PLPPR1: variants seen among roughly 807,000 people sequenced by gnomAD.
The protein encoded by PLPPR1 is phospholipid phosphatase-related protein type 1.
In PLPPR1, 10 loss-of-function variants were observed where a neutral mutation model predicts 33.1. That is an observed-to-expected ratio of 0.30 (90% CI 0.19 to 0.51). The LOEUF is 0.51. PLPPR1 is among the 20% of genes least tolerant of loss of function. PLPPR1 has a pLI of 0.97. For synonymous variants in PLPPR1, 151 were observed against 151.0 expected (o/e 1.00, Z 0.00); for missense variants, 304 against 408.1 (o/e 0.74, Z 2.20).
chr9:101,233,149 G>A (rs753849726), intron 2 of PLPPR1, among the ~76,000 whole-genome samples: 5 of 152,000 alleles, frequency 3.3e-5, no homozygotes, highest in Non-Finnish European at 5.9e-5. Context: ...GAACTGAAAT[G>A]TAACTGCTAC....
At chr9:101,237,646 C>T (rs953671981) in intron 2 of PLPPR1, among the ~76,000 whole-genome samples, 53 of 138,864 alleles carry the variant, frequency 3.8e-4, no homozygotes, top group Non-Finnish European at 4.9e-4. Flanking sequence ...TATATATACA[C>T]ACACACACAC....
intron 2 of PLPPR1, among the ~76,000 whole-genome samples, chr9:101,244,696 T>C (rs550361845): frequency 2.0e-3 from 301 of 152,088 alleles, no homozygotes; most frequent in African/African-American, 6.8e-3. Flanking sequence ...TACAATAAAA[T>C]GCATCTTTGA....
chr9:101,060,937 A>G (rs989863235), intron 1 of PLPPR1, among the ~76,000 whole-genome samples: 1 of 151,842 alleles, frequency 6.6e-6, no homozygotes, highest in Non-Finnish European at 1.5e-5. Context: ...TCATTCTGTA[A>G]TTCATCTTAT....
intron 4 of PLPPR1, among the ~76,000 whole-genome samples, chr9:101,293,527 T>C (rs1828560315): frequency 6.6e-6 from 1 of 152,114 alleles, no homozygotes; most frequent in Non-Finnish European, 1.5e-5. Context: ...ACCACACCTA[T>C]TCCAAAATTG....
chr9:101,309,238 C>T lies in PLPPR1; in HGVS notation c.413C>T (p.Thr138Ile). The T allele has an allele frequency of 6.2e-7, 1 of 1,614,120 alleles. No homozygotes were observed. The highest frequency in any genetic ancestry group is 8.5e-7 in the Non-Finnish European group (1 of 1,180,014). The part of the protein sequence containing the change: ...TGVFAFGLFA[T>I]DIFVNAGQVV... ...GTGTTTGCATTTGGACTTTTTGCTA[C>T]TGACATTTTTGTAAACGCCGGACAA... The change falls in exon 5 of 8, where the codon ACT (threonine) becomes ATT (isoleucine). Residue 138 changes from threonine to isoleucine, a missense_variant. Coordinates refer to ENST00000374874, the MANE Select transcript of PLPPR1 (RefSeq NM_207299.2).
At chr9:101,167,214 T>TACACACAC (rs745548060) in intron 1 of PLPPR1, among the ~76,000 whole-genome samples, 4 of 26,092 alleles carry the variant, frequency 1.5e-4, no homozygotes, top group Non-Finnish European at 3.6e-4. Flanking sequence ...CACACACACA[T>TACACACAC]ACACACACAC....
chr9:101,215,365 C>T (rs1344740803), intron 2 of PLPPR1, among the ~76,000 whole-genome samples: 4 of 151,934 alleles, frequency 2.6e-5, no homozygotes, highest in Non-Finnish European at 4.4e-5. Context: ...CTGCAACCTC[C>T]GCCTCCCGGG....
At chr9:101,147,785 C>T (rs773271347) in intron 1 of PLPPR1, among the ~76,000 whole-genome samples, 5 of 152,120 alleles carry the variant, frequency 3.3e-5, no homozygotes, top group East Asian at 1.9e-4. Context: ...TCAAATCCTC[C>T]GAAGAACCCT....
At chr9:101,215,035 A>G in intron 2 of PLPPR1, among the ~76,000 whole-genome samples, 1 of 151,986 alleles carries the variant, frequency 6.6e-6, no homozygotes, top group East Asian at 1.9e-4. Flanking sequence ...TAAAAAAAAA[A>G]AAAAAGAAAG....
chr9:101,258,185 A>G (rs1827835769), intron 2 of PLPPR1, among the ~76,000 whole-genome samples: 1 of 152,116 alleles, frequency 6.6e-6, no homozygotes, highest in Admixed American at 6.6e-5. Context: ...TTTCTATTAC[A>G]CCATGACAGC....
In PLPPR1 at chr9:101,309,250, T is replaced by C; in HGVS notation, c.425T>C (p.Val142Ala). The change falls in exon 5 of 8, where the codon GTA (valine) becomes GCA (alanine). Residue 142 changes from valine to alanine, a missense_variant. By Grantham distance (64) the Val-to-Ala change is moderately conservative. Transcript: ENST00000374874. ...GGACTTTTTGCTACTGACATTTTTG[T>C]AAACGCCGGACAAGTGGTCACTGGG... Reference protein sequence around the residue: ...AFGLFATDIFVNAGQVVTGHL... With the variant: ...AFGLFATDIFANAGQVVTGHL... 6.2e-7 allele frequency: 1 copy of C among 1,614,144 alleles called. No individual in the cohort carries two copies. Among genetic ancestry groups the C allele is most frequent in the South Asian group, 1.1e-5 (1 of 91,084 alleles).
chr9:101,221,573 A>T (rs978200599), intron 2 of PLPPR1, among the ~76,000 whole-genome samples: 3 of 152,200 alleles, frequency 2.0e-5, no homozygotes, highest in African/African-American at 7.2e-5. Flanking sequence ...CACTTACTGC[A>T]TGCCACACCA....
chr9:101,285,609 T>G (rs955561473), intron 3 of PLPPR1, among the ~76,000 whole-genome samples: 3 of 152,184 alleles, frequency 2.0e-5, no homozygotes, highest in Admixed American at 2.0e-4. Context: ...CATAGACTAA[T>G]TGATATAAAG....
chr9:101,229,183 A>G (rs1827133872), intron 2 of PLPPR1, among the ~76,000 whole-genome samples: 1 of 152,168 alleles, frequency 6.6e-6, no homozygotes, highest in African/African-American at 2.4e-5. Context: ...GTAATTGTAT[A>G]TTGAAATGGC....
At chr9:101,229,973 T>G (rs1827147786) in intron 2 of PLPPR1, among the ~76,000 whole-genome samples, 1 of 152,194 alleles carries the variant, frequency 6.6e-6, no homozygotes, top group South Asian at 2.1e-4. Context: ...GGGTATTTTC[T>G]CTTAATTACT....
chr9:101,313,337 C>T (rs995848858), intron 6 of PLPPR1, among the ~76,000 whole-genome samples: 2 of 152,110 alleles, frequency 1.3e-5, no homozygotes, highest in African/African-American at 4.8e-5. Flanking sequence ...GGGGCAAAAG[C>T]TAAGTGTTCC....
At chr9:101,081,110 T>C (rs1432926092) in intron 1 of PLPPR1, among the ~76,000 whole-genome samples, 1 of 152,244 alleles carries the variant, frequency 6.6e-6, no homozygotes, top group Non-Finnish European at 1.5e-5. Flanking sequence ...TTTAGATTAT[T>C]GTCTCCTCTC....
chr9:101,058,906 A>G (rs956018316), intron 1 of PLPPR1, among the ~76,000 whole-genome samples: 10 of 152,140 alleles, frequency 6.6e-5, no homozygotes. Flanking sequence ...AGGCTCAAAA[A>G]AGTTAATTAA....
intron 2 of PLPPR1, among the ~76,000 whole-genome samples, chr9:101,189,058 T>C (rs972698516): frequency 6.6e-6 from 1 of 151,998 alleles, no homozygotes. Flanking sequence ...AAGAGATTTA[T>C]TGTGAGCTAA....
Sources: gnomAD v4.1 joint callset for allele counts (sites outside exome capture counted in the v4.1 genomes callset) on GRCh38, gnomAD v4.1.1 for gene constraint, MANE v1.5 for transcripts, NCBI Gene and HGNC (gene_info 2026-07-23, HGNC 2026-07-21) for gene names.